Variants in APOB observed in about 807,000 individuals in gnomAD.
The protein encoded by APOB is apolipoprotein B-100.
In APOB, 153 loss-of-function variants were observed where a neutral mutation model predicts 314.1. The observed-to-expected ratio is 0.49, with a 90% CI of 0.43 to 0.56. APOB has a LOEUF of 0.56. Ranked by LOEUF, APOB falls within the 20% of genes least tolerant of loss-of-function variation. The pLI is 0.00. For synonymous variants in APOB, 2,087 were observed against 2,036.4 expected (o/e 1.02, Z -0.67); for missense variants, 5,430 against 5,350.7 (o/e 1.01, Z -0.46).
chr2:21,010,235 A>C lies in APOB; in HGVS notation c.6633T>G (p.Ser2211Arg), dbSNP rs1458235426. 7 of 1,559,922 alleles carry C rather than the reference A, an allele frequency of 4.5e-6. No homozygotes were observed. Among genetic ancestry groups the C allele is most frequent in the Non-Finnish European group, 6.1e-6 (7 of 1,154,668 alleles). ...CACGGATATGATAGTGCTCATCAAG[A>C]CTTTTTAATTTTTCAATGATTTCAT... ...IIDEIIEKLKSLDEHYHIRVN... is the reference protein window; with the variant it reads ...IIDEIIEKLKRLDEHYHIRVN... Residue 2211 changes from serine (S) to arginine (R), a missense_variant, in exon 26 of 29, where the codon AGT becomes AGG. Ser to Arg is a moderately radical substitution (Grantham distance 110). Coordinates refer to ENST00000233242, the MANE Select transcript of APOB (RefSeq NM_000384.3).
chr2:21,008,010 G>A lies in APOB; in HGVS notation c.8858C>T (p.Pro2953Leu), dbSNP rs754457820. ...ESQISFTIEG[P>L]LTSFGLSNKI... ...ATTGGACAGTCCAAAGGAAGTGAGG[G>A]GTCCTTCTATGGTGAAACTAATTTG... Residue 2953 changes from proline (P) to leucine (L), a missense_variant, in exon 26 of 29, where the codon CCC becomes CTC. Physicochemically the swap from Pro to Leu is moderately conservative, Grantham distance 98 (BLOSUM62 -3). This residue lies in a region of APOB where 3,281 missense variants were observed against 3,171.0 expected (regional missense o/e 1.03). Coordinates refer to ENST00000233242, the MANE Select transcript of APOB (RefSeq NM_000384.3). 1 of 1,613,878 alleles carries A rather than the reference G, an allele frequency of 6.2e-7. No individual in the cohort carries two copies. The highest frequency in any genetic ancestry group is 8.5e-7 in the Non-Finnish European group (1 of 1,179,942).
chr2:21,042,445 C>T lies in APOB; in HGVS notation c.153G>A (p.Lys51=), dbSNP rs1022263308. Residue 51 remains lysine, a synonymous_variant, in exon 3 of 29, where the codon AAG becomes AAA. Coordinates refer to ENST00000233242, the MANE Select transcript of APOB (RefSeq NM_000384.3). Reference sequence around the variant, plus strand: ...TCTCAGCCTCATAGTTGTATGTGTACTTCCGGAGGTGCTTGAATCGGGTCG... The same window carrying T: ...TCTCAGCCTCATAGTTGTATGTGTATTTCCGGAGGTGCTTGAATCGGGTCG... The part of the protein sequence containing the change: ...KDATRFKHLR[K]YTYNYEAESS... 4 of 1,614,038 alleles carry T rather than the reference C, an allele frequency of 2.5e-6. No homozygotes were observed. The African/African-American group carries it at 5.3e-5, about 22-fold the overall frequency.
At position 21,026,809 on chromosome 2, in the gene APOB, G is replaced by A. The variant is rs777814256; in HGVS notation, c.2223C>T (p.Thr741=). 6.8e-6 allele frequency: 11 copies of A among 1,613,522 alleles called. No homozygotes were observed. The South Asian group carries it at 9.9e-5, about 14-fold the overall frequency. Residue 741 remains threonine (T), a synonymous_variant, in exon 15 of 29, where the codon ACC becomes ACT. Transcript: ENST00000233242. Reference sequence around the variant, plus strand: ...ACACCTGCTCATGTTTATCATCTTTGGTATAGCCAAAGTGGTCCACTAAGA... The same window carrying A: ...ACACCTGCTCATGTTTATCATCTTTAGTATAGCCAAAGTGGTCCACTAAGA... ...SKVLVDHFGY[T]KDDKHEQDMV...
At chr2:21,022,442 T>C (rs991075973) in intron 18 of APOB, among the ~76,000 whole-genome samples, 10 of 152,224 alleles carry the variant, frequency 6.6e-5, no homozygotes, top group African/African-American at 2.4e-4. Context: ...ATCAATATGT[T>C]CTTAGGTATT....
Position 21,020,007 on chromosome 2 carries a change from C to A in APOB, c.2817-102G>T, listed in dbSNP as rs2103367558. 43 of 1,012,306 alleles carry A rather than the reference C, an allele frequency of 4.2e-5. 1 individual carries two copies. The South Asian group carries it at 5.5e-4, about 13-fold the overall frequency. 62.7% of individuals were successfully genotyped at this position (1,012,306 alleles called of 1,614,324 possible). On this transcript the variant is annotated intron_variant, in intron 18 of 28. Transcript: ENST00000233242. ...ATACCCCCTTATCCTCCTGTCTTCC[C>A]TCAGTCCACACCTATCTCTAACTAT...
intron 6 of APOB, 127 bp from the exon 7 acceptor site, chr2:21,035,835 TG>T: frequency 1.0e-6 from 1 of 988,494 alleles, no homozygotes; most frequent in Non-Finnish European, 1.6e-6. Flanking sequence ...AGAAGATAAC[TG>T]GGTACTTGAC....
Position 21,004,310 on chromosome 2 carries a change from C to T in APOB, c.12046G>A (p.Asp4016Asn). The T allele has an allele frequency of 6.2e-7, 1 of 1,613,998 alleles. No individual in the cohort carries two copies. Among genetic ancestry groups the T allele is most frequent in the Non-Finnish European group, 8.5e-7 (1 of 1,179,912 alleles). The part of the protein sequence containing the change: ...VGTVGMDMDE[D>N]DDFSKWNFYY... Reference sequence around the variant, plus strand: ...AAGTTCCATTTAGAAAAGTCGTCATCTTCATCCATATCCATGCCCACGGTG... The same window carrying T: ...AAGTTCCATTTAGAAAAGTCGTCATTTTCATCCATATCCATGCCCACGGTG... The change falls in exon 28 of 29, where the codon GAT becomes AAT. Residue 4016 changes from aspartate to asparagine, a missense_variant. This residue lies in a region of APOB where 3,281 missense variants were observed against 3,171.0 expected (regional missense o/e 1.03). Transcript: ENST00000233242.
intron 4 of APOB, among the ~76,000 whole-genome samples, chr2:21,040,360 T>C (rs1022160542): frequency 1.3e-5 from 2 of 152,236 alleles, no homozygotes; most frequent in Non-Finnish European, 2.9e-5. Context: ...CCTGTATTCA[T>C]ACACACCTAG....
At chr2:21,024,876 T>C (rs1663694091) in intron 16 of APOB, 57 bp downstream of exon 16, 1 of 1,561,152 alleles carries the variant, frequency 6.4e-7, no homozygotes, top group African/African-American at 1.4e-5. Flanking sequence ...GTCTGGGCGA[T>C]CTAAAAAAAA....
chr2:21,041,277 A>G (rs1664127171), intron 3 of APOB, among the ~76,000 whole-genome samples, 194 bp from the exon 4 acceptor site: 1 of 152,186 alleles, frequency 6.6e-6, no homozygotes, highest in South Asian at 2.1e-4. Context: ...ACTTAGTCCT[A>G]TTGCTGACGT....
In APOB at chr2:21,002,320, G is replaced by C. The variant is rs72654424; in HGVS notation, c.13102C>G (p.Gln4368Glu). Residue 4368 changes from glutamine (Q) to glutamate (E), a missense_variant, in exon 29 of 29, where the codon CAG (glutamine) becomes GAG (glutamate). Around this residue, in one of 3 missense-constraint regions of APOB, gnomAD observed 3,281 missense variants for 3,171.0 expected, o/e 1.03. Coordinates refer to ENST00000233242, the MANE Select transcript of APOB (RefSeq NM_000384.3). ...TGCTGTAACTCTTGAGAAGCTTCCT[G>C]AAGCTCGTTTTGAATAAATTCATTG... ...KFNEFIQNEL[Q>E]EASQELQQIH... 191 of 1,613,086 alleles carry C rather than the reference G, an allele frequency of 1.2e-4. No homozygotes were observed. In the African/African-American group the frequency reaches 2.4e-3, roughly 20 times the overall value.
chr2:21,043,280 T>C (rs1194340147), intron 2 of APOB, among the ~76,000 whole-genome samples: 2 of 152,050 alleles, frequency 1.3e-5, no homozygotes, highest in African/African-American at 4.8e-5. Flanking sequence ...AGACAATCCC[T>C]TCCCTCCCCC....
intron 10 of APOB, 28 bp from the exon 11 acceptor site, chr2:21,030,043 C>G: frequency 7.1e-7 from 1 of 1,416,772 alleles, no homozygotes; most frequent in Non-Finnish European, 1.0e-6. Context: ...AGAGTCAGGA[C>G]TTGGTAACCC....
At chr2:21,004,987 G>T (rs1001871301) in intron 26 of APOB, 93 bp downstream of exon 26, 28 of 1,525,186 alleles carry the variant, frequency 1.8e-5, no homozygotes, top group Non-Finnish European at 2.3e-5. Flanking sequence ...TTGAGTAATT[G>T]TACATCTACT....
Position 21,007,696 on chromosome 2 carries a change from C to T in APOB, c.9172G>A (p.Val3058Ile). 6.2e-7 allele frequency: 1 copy of T among 1,614,092 alleles called. No individual in the cohort carries two copies. Among genetic ancestry groups the T allele is most frequent in the Non-Finnish European group, 8.5e-7 (1 of 1,179,948 alleles). The change falls in exon 26 of 29, where the codon GTT (valine) becomes ATT (isoleucine). Residue 3058 changes from valine (V) to isoleucine (I), a missense_variant. Physicochemically the swap from Val to Ile is conservative, Grantham distance 29 (BLOSUM62 3). Around this residue, in one of 3 missense-constraint regions of APOB, gnomAD observed 3,281 missense variants for 3,171.0 expected, o/e 1.03. Coordinates refer to ENST00000233242, the MANE Select transcript of APOB (RefSeq NM_000384.3). Reference sequence around the variant, plus strand: ...CCTGTTAACCTTAATGGAAAACGAACTTTCAAATTCCCTTCATTGTTTGTG... The same window carrying T: ...CCTGTTAACCTTAATGGAAAACGAATTTTCAAATTCCCTTCATTGTTTGTG... ...ASTNNEGNLK[V>I]RFPLRLTGKI...
In APOB at chr2:21,009,106, G is replaced by A. The variant is rs1178162332; in HGVS notation, c.7762C>T (p.Pro2588Ser). The change falls in exon 26 of 29, where the codon CCT (proline) becomes TCT (serine). Residue 2588 changes from proline to serine, a missense_variant. By Grantham distance (74) the Pro-to-Ser change is moderately conservative. This residue lies in a region of APOB where 3,281 missense variants were observed against 3,171.0 expected (regional missense o/e 1.03). Coordinates refer to ENST00000233242, the MANE Select transcript of APOB (RefSeq NM_000384.3). The stretch of plus-strand genomic sequence containing the variant: ...GTCCCAAGGATGGTCTTGATTTCAG[G>A]AACAGTGAACCCTTGCTCTACCAAT... ...KALVEQGFTV[P>S]EIKTILGTMP... The A allele has an allele frequency of 2.5e-6, 4 of 1,614,032 alleles. No individual in the cohort carries two copies. The Admixed American group carries it at 6.7e-5, about 27-fold the overall frequency.
chr2:21,037,084 C>T lies in APOB; in HGVS notation c.693+16G>A, dbSNP rs1664020488. ...ATGCTCCTTGCTGTGCACGACAGTG[C>T]TGACATGGGACTTACCATGCCTTTG... On this transcript the variant is annotated intron_variant, in intron 6 of 28. Coordinates refer to ENST00000233242, the MANE Select transcript of APOB (RefSeq NM_000384.3). 13 of 1,614,132 alleles carry T rather than the reference C, an allele frequency of 8.1e-6. No homozygotes were observed. The highest frequency in any genetic ancestry group is 1.1e-5 in the Non-Finnish European group (13 of 1,180,002).
chr2:21,034,791 C>T lies in APOB; in HGVS notation c.904+25G>A, dbSNP rs916509397. The T allele has an allele frequency of 3.6e-6, 5 of 1,394,150 alleles. No individual in the cohort carries two copies. The African/African-American group carries it at 7.1e-5, about 20-fold the overall frequency. 86.4% of individuals were successfully genotyped at this position (1,394,150 alleles called of 1,614,324 possible). Reference sequence around the variant, plus strand: ...GGCACATCTTGAGTAGATTTTCCAGCAACTATGTGGACAGAAACTCTTACC... The same window carrying T: ...GGCACATCTTGAGTAGATTTTCCAGTAACTATGTGGACAGAAACTCTTACC... On this transcript the variant is annotated intron_variant, in intron 8 of 28. Transcript: ENST00000233242.
chr2:21,015,462 G>A lies in APOB; in HGVS notation c.3416C>T (p.Ala1139Val). The change falls in exon 22 of 29, where the codon GCC becomes GTC. Residue 1139 changes from alanine to valine, a missense_variant. Ala to Val is a moderately conservative substitution (Grantham distance 64). Around this residue, in one of 3 missense-constraint regions of APOB, gnomAD observed 2,085 missense variants for 2,079.7 expected, o/e 1.00. Transcript: ENST00000233242. ...AAGCAGTTTGGCAGGCGACCAGTGG[G>A]CGAGGATCTCACTTCTGGCTTCTGC... is the stretch of plus-strand genomic sequence containing the variant. ...LQAEARSEIL[A>V]HWSPAKLLLQ... is the part of the protein sequence containing the mutation. 2 of 1,614,108 alleles carry A rather than the reference G, an allele frequency of 1.2e-6. No individual in the cohort carries two copies. The highest frequency in any genetic ancestry group is 1.7e-6 in the Non-Finnish European group (2 of 1,180,016).
Sources: allele counts gnomAD v4.1 joint callset (sites outside exome capture counted in the v4.1 genomes callset), GRCh38; gene constraint gnomAD v4.1.1; regional missense constraint gnomAD v4.1.1; transcripts MANE v1.5; gene names NCBI Gene and HGNC (gene_info 2026-07-23, HGNC 2026-07-21).